SLC1A5: variants seen among roughly 807,000 people sequenced by gnomAD.
SLC1A5 encodes the protein neutral amino acid transporter B(0).
A neutral mutation model predicts 34.9 loss-of-function variants in SLC1A5; 25 were observed. The ratio of observed to expected loss-of-function variants is 0.72; its 90% CI spans 0.52 to 1.00. The LOEUF is 1.00. Among genes scored for constraint, SLC1A5 ranks in the 50% least tolerant of loss-of-function variants. The probability of loss-of-function intolerance (pLI) is 0.00; values close to 1 mark genes in which losing one functional copy is unlikely to be tolerated. For synonymous variants in SLC1A5, 351 were observed against 341.2 expected (o/e 1.03, Z -0.32); for missense variants, 637 against 740.0 (o/e 0.86, Z 1.61).
In SLC1A5 at chr19:46,782,449, T is replaced by A. The variant is rs142211617; in HGVS notation, c.758A>T (p.Glu253Val). 2,832 of 1,608,034 alleles carry A rather than the reference T, an allele frequency of 1.8e-3. 9 individuals are homozygous for A. Among genetic ancestry groups the A allele is most frequent in the Non-Finnish European group, 1.9e-3 (2,240 of 1,177,736 alleles). The change falls in exon 4 of 8, where the codon GAG (glutamate) becomes GTG (valine). Residue 253 changes from glutamate (E) to valine (V), a missense_variant. Transcript: ENST00000542575. ...VALRKLGPEG[E>V]LLIRFFNSFN... is the part of the protein sequence containing the mutation. ...GGAGTTGAAGAAGCGGATAAGCAGC[T>A]CCCCTTCAGGCCCCAGCTTCCGCAG...
intron 2 of SLC1A5, 46 bp from the exon 3 acceptor site, chr19:46,784,190 C>A (rs1360898201): frequency 7.2e-7 from 1 of 1,396,868 alleles, no homozygotes. Flanking sequence ...TTACCAGGGC[C>A]TCCCAACCCC....
intron 4 of SLC1A5, among the ~76,000 whole-genome samples, chr19:46,781,164 C>T (rs183366906): frequency 5.9e-5 from 9 of 152,272 alleles, no homozygotes; most frequent in Admixed American, 5.2e-4. Flanking sequence ...AGATTCCTCA[C>T]GGGAATGCTG....
In SLC1A5 at chr19:46,775,602, C is replaced by G. The variant is rs3027961; in HGVS notation, c.1534G>C (p.Val512Leu). The change falls in exon 8 of 8, where the codon GTC (valine) becomes CTC (leucine). Residue 512 changes from valine (V) to leucine (L), a missense_variant. Val to Leu is a conservative substitution (Grantham distance 32, BLOSUM62 1). Coordinates refer to ENST00000542575, the MANE Select transcript of SLC1A5 (RefSeq NM_005628.3). ...AGGGGGTTTCCTTCCTCAGTGGGGA[C>G]TGGCAGCGGATCCAGGGGCAGCTCA... ...KSELPLDPLP[V>L]PTEEGNPLLK... 378,527 of 1,613,928 alleles carry G rather than the reference C, an allele frequency of 0.23. 47,082 individuals are homozygous for G. Among genetic ancestry groups the G allele is most frequent in the Middle Eastern group, 0.27 (1,606 of 6,060 alleles).
chr19:46,777,995 C>T (rs1693996), intron 5 of SLC1A5, among the ~76,000 whole-genome samples: 29,002 of 151,912 alleles, frequency 0.19, 2,982 homozygotes, highest in East Asian at 0.27. Flanking sequence ...CACCTAAATT[C>T]TACTGTCTGG....
At chr19:46,782,290 G>T in intron 4 of SLC1A5, 93 bp downstream of exon 4, 1 of 988,010 alleles carries the variant, frequency 1.0e-6, no homozygotes, top group Non-Finnish European at 1.5e-6. Context: ...AATAGAGGGT[G>T]CCCCATCCCA....
At chr19:46,776,163 A>T (rs1435959093) in intron 7 of SLC1A5, among the ~76,000 whole-genome samples, 2 of 151,192 alleles carry the variant, frequency 1.3e-5, no homozygotes, top group Admixed American at 1.3e-4. Context: ...GTATATTCAG[A>T]CTTGTGCAAC....
In SLC1A5 at chr19:46,777,434, T is replaced by C. The variant is rs2055101755; in HGVS notation, c.1059-29A>G. The stretch of plus-strand genomic sequence containing the variant: ...CAAGGGATGGGGGAGCTGAGTTAGG[T>C]TAACCTGCTGACCGGGGCTCCGCCC... On this transcript the variant is annotated intron_variant, in intron 5 of 7. Transcript: ENST00000542575. 1.9e-6 allele frequency: 3 copies of C among 1,576,230 alleles called. No homozygotes were observed. In the East Asian group the frequency reaches 6.8e-5, roughly 36 times the overall value.
At chr19:46,783,404 T>C (rs1485114196) in intron 3 of SLC1A5, among the ~76,000 whole-genome samples, 1 of 146,586 alleles carries the variant, frequency 6.8e-6, no homozygotes, top group South Asian at 2.1e-4. Flanking sequence ...AGGCGGAGGT[T>C]GCAGTGAACC....
chr19:46,777,823 C>T (rs182425121), intron 5 of SLC1A5, among the ~76,000 whole-genome samples: 1 of 151,216 alleles, frequency 6.6e-6, no homozygotes, highest in East Asian at 1.9e-4. Flanking sequence ...TTCCCTCCTA[C>T]CATGTCCTGA....
At chr19:46,783,693 A>T (rs2055165237) in intron 3 of SLC1A5, among the ~76,000 whole-genome samples, 1 of 152,108 alleles carries the variant, frequency 6.6e-6, no homozygotes, top group African/African-American at 2.4e-5. Context: ...GGCTGAGGTG[A>T]GAAGGATCAC....
intron 1 of SLC1A5, 136 bp from the exon 2 acceptor site, chr19:46,784,695 C>G (rs1448306659): frequency 3.8e-6 from 6 of 1,576,240 alleles, no homozygotes; most frequent in African/African-American, 2.7e-5. Context: ...AGCCCCTACT[C>G]ATGCCTCAGC....
intron 4 of SLC1A5, among the ~76,000 whole-genome samples, chr19:46,781,146 C>G (rs1862335): frequency 0.21 from 32,507 of 152,154 alleles, 3,744 homozygotes; most frequent in Admixed American, 0.35. Flanking sequence ...GATTACACAA[C>G]ACCCAATAGA....
chr19:46,782,342 T>TGCCAACCCCCCCCCCCCCCCCCCCCCCA, intron 4 of SLC1A5, 41 bp downstream of exon 4: 1 of 523,372 alleles, frequency 1.9e-6, no homozygotes, highest in Non-Finnish European at 3.5e-6. Context: ...AGACCGACCC[T>TGCCAACCCCCCCCCCCCCCCCCCCCCCA]CCAACCCCAC....
At chr19:46,775,797 A>G (rs2055083584) in intron 7 of SLC1A5, 50 bp from the exon 8 acceptor site, 1 of 1,569,252 alleles carries the variant, frequency 6.4e-7, no homozygotes, top group Non-Finnish European at 8.7e-7. Context: ...AGAGGGTGAG[A>G]GGGAAGGAAA....
chr19:46,786,599 G>A (rs1281495633), intron 1 of SLC1A5, among the ~76,000 whole-genome samples: 1 of 152,174 alleles, frequency 6.6e-6, no homozygotes, highest in Non-Finnish European at 1.5e-5. Context: ...CTTCCAGGAA[G>A]TCCCCAACGT....
In SLC1A5 at chr19:46,787,750, C is replaced by A. The variant is rs753326667; in HGVS notation, c.216G>T (p.Val72=). ...VVAGVALGLG[V]SGAGGALALG... Reference sequence around the variant, plus strand: ...ACGCCAGCGCACCCCCGGCCCCCGACACCCCCAGTCCCAGCGCCACGCCGG... The same window carrying A: ...ACGCCAGCGCACCCCCGGCCCCCGAAACCCCCAGTCCCAGCGCCACGCCGG... Residue 72 remains valine, a synonymous_variant, in exon 1 of 8, where the codon GTG becomes GTT. Transcript: ENST00000542575. The surrounding 1 kb of genome is among the most constrained non-coding windows in gnomAD (Gnocchi z 5.2). 7.1e-6 allele frequency: 11 copies of A among 1,552,648 alleles called. No homozygotes were observed. The African/African-American group carries it at 1.4e-4, about 19-fold the overall frequency.
intron 6 of SLC1A5, 34 bp downstream of exon 6, chr19:46,777,176 TC>T (rs766048206): frequency 1.6e-5 from 26 of 1,602,034 alleles, no homozygotes; most frequent in South Asian, 6.7e-5. Context: ...TCAACAGGGG[TC>T]CGGGGGTCCC....
At chr19:46,783,212 A>T (rs77702783) in intron 3 of SLC1A5, among the ~76,000 whole-genome samples, 1 of 151,938 alleles carries the variant, frequency 6.6e-6, no homozygotes, top group Non-Finnish European at 1.5e-5. Context: ...GCCTGTAATC[A>T]CAGCACTTTG....
In SLC1A5 at chr19:46,784,209, C is replaced by A. The variant is rs2055169703; in HGVS notation, c.610-65G>T. 3 of 1,220,344 alleles carry A rather than the reference C, an allele frequency of 2.5e-6. No homozygotes were observed. The South Asian group carries it at 3.7e-5, about 15-fold the overall frequency. 75.6% of individuals were successfully genotyped at this position (1,220,344 alleles called of 1,614,324 possible). On this transcript the variant is annotated intron_variant, in intron 2 of 7. Coordinates refer to ENST00000542575, the MANE Select transcript of SLC1A5 (RefSeq NM_005628.3). Reference sequence around the variant, plus strand: ...CAGGGCCTCCCAACCCCATGCCAAGCTAACAATGCTCAAAGCCTGCCCTTC... The same window carrying A: ...CAGGGCCTCCCAACCCCATGCCAAGATAACAATGCTCAAAGCCTGCCCTTC...
Sources: gnomAD v4.1 joint callset for allele counts (sites outside exome capture counted in the v4.1 genomes callset) on GRCh38, gnomAD v4.1.1 for gene constraint, Gnocchi (gnomAD v3.1) non-coding constraint, MANE v1.5 for transcripts, NCBI Gene and HGNC (gene_info 2026-07-23, HGNC 2026-07-21) for gene names.